NEK7: variants seen among roughly 807,000 people sequenced by gnomAD.
The protein encoded by NEK7 is serine/threonine-protein kinase Nek7.
NEK7 carries 18 observed loss-of-function variants against 44.6 expected under a neutral mutation model. The ratio of observed to expected loss-of-function variants is 0.40; its 90% CI spans 0.28 to 0.60. The LOEUF is 0.60. Ranked by LOEUF, NEK7 falls within the 20% of genes least tolerant of loss-of-function variation. The probability of loss-of-function intolerance (pLI) is 0.38; values close to 1 mark genes in which losing one functional copy is unlikely to be tolerated. For missense variants in NEK7, 256 were observed against 366.5 expected, an observed-to-expected ratio of 0.70 and a Z score of 2.46; for synonymous variants, 130 against 121.1, an observed-to-expected ratio of 1.07 and a Z score of -0.48.
chr1:198,260,931 T>C (rs1255479110), intron 3 of NEK7, among the ~76,000 whole-genome samples: 3 of 152,134 alleles, frequency 2.0e-5, no homozygotes, highest in Non-Finnish European at 4.4e-5. Flanking sequence ...ATTTTTGCTT[T>C]ATAATCTTAT....
intron 2 of NEK7, among the ~76,000 whole-genome samples, chr1:198,249,978 G>A (rs907561985): frequency 6.2e-5 from 9 of 144,666 alleles, no homozygotes; most frequent in South Asian, 4.6e-4. Flanking sequence ...GAATGGTAAC[G>A]CCTAGGTTTT....
chr1:198,198,218 C>T lies in NEK7; in HGVS notation c.-28-34335C>T, dbSNP rs908489719. The T allele has an allele frequency of 3.7e-5, 24 of 656,982 alleles. No individual in the cohort carries two copies. In the African/African-American group the frequency reaches 3.8e-4, roughly 11 times the overall value. 40.7% of individuals were successfully genotyped at this position (656,982 alleles called of 1,614,324 possible). On this transcript the variant is annotated intron_variant, in intron 1 of 9. Transcript: ENST00000367385. ...GTGTGTCCTCCAGCCTTTCCACCACCGCCTGGGCTTGATGCATTCTCCTCA... is the reference window on the plus strand; with the variant it reads ...GTGTGTCCTCCAGCCTTTCCACCACTGCCTGGGCTTGATGCATTCTCCTCA...
intron 2 of NEK7, among the ~76,000 whole-genome samples, chr1:198,249,944 A>C (rs991623367): frequency 1.0e-4 from 15 of 146,852 alleles, no homozygotes; most frequent in Non-Finnish European, 1.6e-4. Flanking sequence ...TTAGACATGA[A>C]GTCCTTGCCC....
At chr1:198,305,120 T>C (rs541857567) in intron 9 of NEK7, among the ~76,000 whole-genome samples, 5 of 152,310 alleles carry the variant, frequency 3.3e-5, no homozygotes, top group Non-Finnish European at 4.4e-5. Context: ...CTTAGTTGTA[T>C]TTATTCTTAT....
chr1:198,171,348 A>T (rs1664433920), intron 1 of NEK7, among the ~76,000 whole-genome samples: 1 of 152,060 alleles, frequency 6.6e-6, no homozygotes, highest in Non-Finnish European at 1.5e-5. Flanking sequence ...TCCTTCAGTT[A>T]CTGCCTTCAG....
At position 198,252,033 on chromosome 1, in the gene NEK7, C is replaced by T. The variant is rs192635729; in HGVS notation, c.58-1007C>T. ...ATTTAGTGCTATAAATTGCCCTCTA[C>T]ACACTGCTTTGAATGTGTCCCAGAG... On this transcript the variant is annotated intron_variant, in intron 2 of 9. Coordinates refer to ENST00000367385, the MANE Select transcript of NEK7 (RefSeq NM_133494.3). Among the ~76,000 whole-genome samples, 209 of 152,220 alleles carry T rather than the reference C, an allele frequency of 1.4e-3. 4 individuals are homozygous for T. In the East Asian group the frequency reaches 0.032, roughly 24 times the overall value.
intron 1 of NEK7, among the ~76,000 whole-genome samples, chr1:198,225,062 G>A (rs901002656): frequency 1.3e-5 from 2 of 151,914 alleles, no homozygotes; most frequent in African/African-American, 2.4e-5. Context: ...CATGATCCTG[G>A]CCAGACATGG....
intron 1 of NEK7, among the ~76,000 whole-genome samples, chr1:198,215,141 A>G (rs1665881260): frequency 6.7e-6 from 1 of 149,752 alleles, no homozygotes; most frequent in Non-Finnish European, 1.5e-5. Context: ...GAATTTGTCA[A>G]TACTAGACCA....
chr1:198,290,046 C>T (rs1447063638), intron 7 of NEK7, among the ~76,000 whole-genome samples: 1 of 152,064 alleles, frequency 6.6e-6, no homozygotes, highest in Non-Finnish European at 1.5e-5. Context: ...TAATGTCAGC[C>T]TCTGTTTTTT....
chr1:198,187,994 A>G (rs1044889239), intron 1 of NEK7, among the ~76,000 whole-genome samples: 4 of 152,296 alleles, frequency 2.6e-5, no homozygotes, highest in African/African-American at 9.6e-5. Context: ...TTTTAATCAG[A>G]CTGCTTTGCT....
At chr1:198,172,865 TA>T (rs959758104) in intron 1 of NEK7, among the ~76,000 whole-genome samples, 1 of 151,986 alleles carries the variant, frequency 6.6e-6, no homozygotes, top group African/African-American at 2.4e-5. Context: ...AATTCTTGAT[TA>T]AATCTATATT....
chr1:198,303,597 A>G (rs1654947567), intron 9 of NEK7, among the ~76,000 whole-genome samples: 1 of 152,122 alleles, frequency 6.6e-6, no homozygotes, highest in South Asian at 2.1e-4. Flanking sequence ...AAATATTTTT[A>G]GTTTGTAATT....
intron 9 of NEK7, among the ~76,000 whole-genome samples, chr1:198,310,218 G>T (rs543486929): frequency 6.6e-6 from 1 of 152,208 alleles, no homozygotes; most frequent in South Asian, 2.1e-4. Flanking sequence ...TTTTTCATGT[G>T]TTTTTTGGCT....
intron 1 of NEK7, among the ~76,000 whole-genome samples, chr1:198,184,871 CTAGTTAGT>C (rs561831228): frequency 2.6e-5 from 4 of 151,516 alleles, no homozygotes; most frequent in African/African-American, 9.7e-5. Flanking sequence ...ATTTATTTAG[CTAGTTAGT>C]TAGTTAGTTA....
At chr1:198,256,470 G>C (rs1653268495) in intron 3 of NEK7, 10 of 1,593,580 alleles carry the variant, frequency 6.3e-6, no homozygotes, top group South Asian at 5.7e-5. Flanking sequence ...TCCCATCATG[G>C]TTCATTTGCA....
intron 1 of NEK7, among the ~76,000 whole-genome samples, chr1:198,214,876 C>T (rs540396871): frequency 2.6e-5 from 4 of 152,144 alleles, no homozygotes; most frequent in South Asian, 2.1e-4. Flanking sequence ...GGCATATAGT[C>T]ATTAGGCTAC....
chr1:198,279,135 C>T (rs1043101073), intron 7 of NEK7, 74 bp downstream of exon 7: 2 of 853,668 alleles, frequency 2.3e-6, no homozygotes, highest in Non-Finnish European at 3.9e-6. Flanking sequence ...ATACCAATTA[C>T]ATGCCAGCTC....
At chr1:198,288,980 A>G (rs765752106) in intron 7 of NEK7, among the ~76,000 whole-genome samples, 8 of 152,092 alleles carry the variant, frequency 5.3e-5, no homozygotes, top group Non-Finnish European at 8.8e-5. Context: ...AGAAATATTG[A>G]TCTCCTACTC....
intron 1 of NEK7, among the ~76,000 whole-genome samples, chr1:198,168,006 C>T (rs186469567): frequency 6.6e-6 from 1 of 152,266 alleles, no homozygotes; most frequent in East Asian, 1.9e-4. Context: ...TTTCTATCAG[C>T]GATTTGTTTT....
Sources: allele counts gnomAD v4.1 joint callset (sites outside exome capture counted in the v4.1 genomes callset), GRCh38; gene constraint gnomAD v4.1.1; transcripts MANE v1.5; gene names NCBI Gene and HGNC (gene_info 2026-07-23, HGNC 2026-07-21).